CNTN3: variants seen among roughly 807,000 people sequenced by gnomAD.
The protein encoded by CNTN3 is contactin 3.
In CNTN3, 60 loss-of-function variants were observed where a neutral mutation model predicts 119.1. The ratio of observed to expected loss-of-function variants is 0.50; its 90% CI spans 0.41 to 0.62. CNTN3 has a LOEUF of 0.62. Ranked by LOEUF, CNTN3 falls within the 20% of genes least tolerant of loss-of-function variation. The probability of loss-of-function intolerance (pLI) is 0.00; values close to 1 mark genes in which losing one functional copy is unlikely to be tolerated. For missense variants in CNTN3, 1,101 were observed against 1,242.4 expected (o/e 0.89, Z 1.71); for synonymous variants, 450 against 438.7 (o/e 1.03, Z -0.32).
At chr3:74,542,633 C>T (rs1703857921) in intron 1 of CNTN3, among the ~76,000 whole-genome samples, 1 of 152,092 alleles carries the variant, frequency 6.6e-6, no homozygotes, top group African/African-American at 2.4e-5. Context: ...GAATGACAAA[C>T]AATTAACTTT....
chr3:74,535,721 C>T (rs1409243618), intron 1 of CNTN3, among the ~76,000 whole-genome samples: 1 of 152,056 alleles, frequency 6.6e-6, no homozygotes, highest in Non-Finnish European at 1.5e-5. Context: ...CCTGGACTTC[C>T]AGAGTTTTCT....
chr3:74,507,626 CTTTTT>C (rs59540461), intron 2 of CNTN3, among the ~76,000 whole-genome samples: 2 of 103,652 alleles, frequency 1.9e-5, no homozygotes, highest in South Asian at 3.4e-4. Context: ...TTCTTTCTTT[CTTTTT>C]TTTTTTTTTT....
In CNTN3 at chr3:74,301,278, T is replaced by G. The variant is rs899534982; in HGVS notation, c.2095+120A>C. The G allele has an allele frequency of 1.4e-5, 14 of 1,024,104 alleles. No homozygotes were observed. In the African/African-American group the frequency reaches 1.9e-4, roughly 14 times the overall value. The allele number at this position is 1,024,104 out of a possible 1,614,324, so 63.4% of individuals were successfully genotyped here. ...TGGCCAGTTCTGCCATTAGAAAGGTTAGATAACTGCAACAATGGATTATTG... is the reference window on the plus strand; with the variant it reads ...TGGCCAGTTCTGCCATTAGAAAGGTGAGATAACTGCAACAATGGATTATTG... On this transcript the variant is annotated intron_variant, in intron 16 of 22. Transcript: ENST00000263665.
In CNTN3 at chr3:74,614,501, C is replaced by T. The variant is rs1245134514; in HGVS notation, c.-191G>A. Among the ~76,000 whole-genome samples, 9 of 146,570 alleles carry T rather than the reference C, an allele frequency of 6.1e-5. No individual in the cohort carries two copies. Among genetic ancestry groups the T allele is most frequent in the Non-Finnish European group, 1.1e-4 (7 of 65,998 alleles). On this transcript the variant is annotated 5_prime_UTR_variant, in exon 1 of 23. Transcript: ENST00000263665. ...CGCAGTTAGTCCGGGCCCGGGGGGCCGCCGTGCGCGCCCGCGTAAGCCGCC... is the reference window on the plus strand; with the variant it reads ...CGCAGTTAGTCCGGGCCCGGGGGGCTGCCGTGCGCGCCCGCGTAAGCCGCC...
intron 5 of CNTN3, among the ~76,000 whole-genome samples, chr3:74,387,832 TGAAA>T (rs1704792853): frequency 1.3e-5 from 2 of 152,258 alleles, no homozygotes; most frequent in South Asian, 4.1e-4. Context: ...TAATTGAAAA[TGAAA>T]GAAAGGTCTC....
At chr3:74,516,345 CT>C (rs1405145951) in intron 2 of CNTN3, among the ~76,000 whole-genome samples, 2 of 150,244 alleles carry the variant, frequency 1.3e-5, no homozygotes, top group African/African-American at 5.0e-5. Flanking sequence ...CCCCCTTCTT[CT>C]TCTTCCTCCC....
chr3:74,516,132 A>C (rs1703446793), intron 2 of CNTN3, among the ~76,000 whole-genome samples: 1 of 152,042 alleles, frequency 6.6e-6, no homozygotes, highest in Non-Finnish European at 1.5e-5. Flanking sequence ...CTACTGAGTC[A>C]ATAACAAGCT....
chr3:74,447,581 T>C (rs574786260), intron 4 of CNTN3, among the ~76,000 whole-genome samples: 1 of 152,142 alleles, frequency 6.6e-6, no homozygotes, highest in African/African-American at 2.4e-5. Flanking sequence ...CCTACTAAGA[T>C]GCTCTCCAAA....
chr3:74,467,652 G>T (rs1480475811), intron 4 of CNTN3, among the ~76,000 whole-genome samples: 1 of 152,082 alleles, frequency 6.6e-6, no homozygotes, highest in Non-Finnish European at 1.5e-5. Flanking sequence ...TTAAGGGGTT[G>T]AGTTCAATTC....
chr3:74,381,247 T>C (rs182312970), intron 5 of CNTN3, among the ~76,000 whole-genome samples: 1 of 152,114 alleles, frequency 6.6e-6, no homozygotes. Context: ...TCTGAATCGG[T>C]TAAAATAATA....
chr3:74,549,089 T>C (rs929517552), intron 1 of CNTN3, among the ~76,000 whole-genome samples: 12 of 152,202 alleles, frequency 7.9e-5, no homozygotes, highest in Non-Finnish European at 1.6e-4. Context: ...TGTTGAATTG[T>C]GATCCCTAGT....
chr3:74,531,434 C>T (rs201261162), intron 1 of CNTN3, among the ~76,000 whole-genome samples: 6 of 151,844 alleles, frequency 4.0e-5, no homozygotes, highest in African/African-American at 4.8e-5. Flanking sequence ...AATTAGAAAA[C>T]GGGGGATATC....
intron 5 of CNTN3, among the ~76,000 whole-genome samples, chr3:74,401,976 A>G (rs1341149966): frequency 1.3e-5 from 2 of 152,236 alleles, no homozygotes; most frequent in Non-Finnish European, 2.9e-5. Flanking sequence ...TCTGTAAAAG[A>G]TACAAGGTCT....
Position 74,369,334 on chromosome 3 carries a change from C to T in CNTN3, c.801G>A (p.Leu267=). Residue 267 remains leucine, a synonymous_variant, in exon 8 of 23, where the codon CTG becomes CTA. Coordinates refer to ENST00000263665, the MANE Select transcript of CNTN3 (RefSeq NM_020872.3). ...TTAATTTAATTTTGCTGGAAAATGG[C>T]AGCCCATCACTTCTTCTCCAATTAA... ...PQINWRRSDG[L]PFSSKIKLRK... The T allele has an allele frequency of 6.2e-7, 1 of 1,606,812 alleles. No homozygotes were observed. Among genetic ancestry groups the T allele is most frequent in the Middle Eastern group, 1.7e-4 (1 of 6,038 alleles).
chr3:74,596,524 A>G (rs1704813201), intron 1 of CNTN3, among the ~76,000 whole-genome samples: 1 of 152,122 alleles, frequency 6.6e-6, no homozygotes, highest in Non-Finnish European at 1.5e-5. Context: ...GCCCTCAGAA[A>G]TAATGCCACA....
chr3:74,389,068 A>C (rs1231034212), intron 5 of CNTN3, among the ~76,000 whole-genome samples: 1 of 152,204 alleles, frequency 6.6e-6, no homozygotes, highest in Non-Finnish European at 1.5e-5. Flanking sequence ...TGAGAGGAGA[A>C]ATTGAGGTGT....
chr3:74,311,400 G>C (rs766327120), intron 13 of CNTN3, among the ~76,000 whole-genome samples: 14 of 150,802 alleles, frequency 9.3e-5, no homozygotes, highest in South Asian at 4.2e-4. Flanking sequence ...TTAAAGTTAG[G>C]ATAAGAAAAA....
intron 4 of CNTN3, among the ~76,000 whole-genome samples, chr3:74,433,502 A>T (rs1701817785): frequency 6.6e-6 from 1 of 152,174 alleles, no homozygotes; most frequent in Admixed American, 6.5e-5. Context: ...ATCTAATAAG[A>T]TCATAACAGC....
At chr3:74,328,439 T>C (rs1703181777) in intron 13 of CNTN3, among the ~76,000 whole-genome samples, 1 of 152,200 alleles carries the variant, frequency 6.6e-6, no homozygotes, top group African/African-American at 2.4e-5. Flanking sequence ...AATAAATATT[T>C]GCATATATTT....
Sources: allele counts gnomAD v4.1 joint callset (sites outside exome capture counted in the v4.1 genomes callset), GRCh38; gene constraint gnomAD v4.1.1; transcripts MANE v1.5; gene names NCBI Gene and HGNC (gene_info 2026-07-23, HGNC 2026-07-21).